ADCY8: variants seen among roughly 807,000 people sequenced by gnomAD.
ADCY8 encodes adenylate cyclase 8.
Under a neutral mutation model 119.7 loss-of-function variants are expected in ADCY8, and 51 were observed. The observed-to-expected ratio is 0.43, with a 90% CI of 0.34 to 0.54. The LOEUF (loss-of-function observed/expected upper bound fraction) is 0.54. ADCY8 is among the 20% of genes least tolerant of loss of function. The probability of loss-of-function intolerance (pLI) is 0.03; values close to 1 mark genes in which losing one functional copy is unlikely to be tolerated. For missense variants in ADCY8, 1,383 were observed against 1,598.8 expected (o/e 0.87, Z 2.30); for synonymous variants, 665 against 651.0 (o/e 1.02, Z -0.33).
intron 2 of ADCY8, among the ~76,000 whole-genome samples, chr8:130,958,209 A>G (rs548063569): frequency 7.3e-4 from 111 of 152,342 alleles, no homozygotes; most frequent in Non-Finnish European, 1.3e-3. Flanking sequence ...ATGTGAATAA[A>G]TCTATTTGTT....
intron 14 of ADCY8, among the ~76,000 whole-genome samples, chr8:130,813,671 A>G (rs1209534554): frequency 2.0e-5 from 3 of 152,150 alleles, no homozygotes; most frequent in Non-Finnish European, 4.4e-5. Flanking sequence ...CTTTTTGACT[A>G]TTGTAAATAA....
chr8:131,037,174 A>G (rs1339704587), intron 1 of ADCY8, among the ~76,000 whole-genome samples: 2 of 152,120 alleles, frequency 1.3e-5, no homozygotes, highest in Admixed American at 1.3e-4. Flanking sequence ...GTTTTGGTAA[A>G]AGGTGACTCA....
In ADCY8 at chr8:130,846,790, TTC is replaced by T. The variant is rs1180038322; in HGVS notation, c.2502+632_2502+633del. Among the ~76,000 whole-genome samples the T allele has an allele frequency of 1.9e-3, 210 of 112,178 alleles. 13 individuals are homozygous for T. Among genetic ancestry groups the T allele is most frequent in the African/African-American group, 4.3e-3 (124 of 28,728 alleles). 73.6% of individuals were successfully genotyped at this position (112,178 alleles called of 152,430 possible). A position where few individuals can be genotyped will look rare whatever the true frequency, so the allele number is the denominator to read the frequency against. ...CCCTTCCTTCCTTCTCCTTCCTTCCTTCTCCTTCCTTCCTTCCCTCCCCTCCC... is the reference window on the plus strand; with the variant it reads ...CCCTTCCTTCCTTCTCCTTCCTTCCTTCCTTCCTTCCTTCCCTCCCCTCCC... On this transcript the variant is annotated intron_variant, in intron 11 of 17. Coordinates refer to ENST00000286355, the MANE Select transcript of ADCY8 (RefSeq NM_001115.3).
At chr8:130,874,047 C>T (rs1000514978) in intron 8 of ADCY8, among the ~76,000 whole-genome samples, 2 of 152,020 alleles carry the variant, frequency 1.3e-5, no homozygotes, top group Non-Finnish European at 1.5e-5. Context: ...GTGGCTCATG[C>T]CTGTAATCCC....
At chr8:130,862,997 G>A (rs1038189971) in intron 9 of ADCY8, among the ~76,000 whole-genome samples, 1 of 152,140 alleles carries the variant, frequency 6.6e-6, no homozygotes, top group Non-Finnish European at 1.5e-5. Context: ...TATTGATTAG[G>A]TAAATTCAGG....
intron 2 of ADCY8, among the ~76,000 whole-genome samples, chr8:130,964,327 T>C (rs992067936): frequency 2.0e-5 from 3 of 152,260 alleles, no homozygotes; most frequent in Non-Finnish European, 4.4e-5. Context: ...AACAGATTTA[T>C]AAATACCTAC....
chr8:130,816,024 A>G (rs1027956078), intron 13 of ADCY8, among the ~76,000 whole-genome samples: 3 of 152,202 alleles, frequency 2.0e-5, no homozygotes, highest in African/African-American at 7.2e-5. Context: ...GTTGACATGA[A>G]CAGTATGCTG....
At chr8:130,823,025 T>G (rs1373321982) in intron 12 of ADCY8, among the ~76,000 whole-genome samples, 1 of 152,216 alleles carries the variant, frequency 6.6e-6, no homozygotes, top group Non-Finnish European at 1.5e-5. Context: ...GAGCATGTCC[T>G]GCGTTCAGCT....
chr8:130,857,290 C>A (rs982139174), intron 9 of ADCY8, among the ~76,000 whole-genome samples: 3 of 151,858 alleles, frequency 2.0e-5, no homozygotes, highest in Non-Finnish European at 4.4e-5. Context: ...GAGCCCTGTC[C>A]CAATGATAAT....
chr8:130,923,459 C>G (rs1410066908), intron 5 of ADCY8, among the ~76,000 whole-genome samples: 1 of 152,250 alleles, frequency 6.6e-6, no homozygotes, highest in Admixed American at 6.5e-5. Flanking sequence ...CTCTGATTAA[C>G]TGTTGGGGAC....
At chr8:130,928,608 C>A (rs1436858761) in intron 5 of ADCY8, among the ~76,000 whole-genome samples, 4 of 152,186 alleles carry the variant, frequency 2.6e-5, no homozygotes, top group Admixed American at 2.6e-4. Context: ...TCCATGCATC[C>A]TGGGATGAAT....
intron 10 of ADCY8, among the ~76,000 whole-genome samples, chr8:130,848,951 A>T (rs777829213): frequency 2.2e-4 from 34 of 152,336 alleles, no homozygotes; most frequent in Admixed American, 5.2e-4. Flanking sequence ...AGTATAGGTG[A>T]GATACTCAGC....
chr8:130,934,494 C>G (rs964241059), intron 5 of ADCY8, among the ~76,000 whole-genome samples: 6 of 152,158 alleles, frequency 3.9e-5, no homozygotes, highest in Non-Finnish European at 8.8e-5. Flanking sequence ...CCATTAGGCC[C>G]CTCCTCCAAC....
At chr8:130,908,984 GCTCTCTCT>G (rs10532518) in intron 6 of ADCY8, among the ~76,000 whole-genome samples, 107 of 131,588 alleles carry the variant, frequency 8.1e-4, no homozygotes, top group African/African-American at 2.0e-3. Flanking sequence ...ATGTGGAAGT[GCTCTCTCT>G]CTCTCTCTCT....
chr8:130,909,781 T>A lies in ADCY8; in HGVS notation c.1567A>T (p.Arg523Trp). 6.2e-7 allele frequency: 1 copy of A among 1,613,974 alleles called. No individual in the cohort carries two copies. The highest frequency in any genetic ancestry group is 8.5e-7 in the Non-Finnish European group (1 of 1,179,964). Residue 523 changes from arginine (R) to tryptophan (W), a missense_variant, in exon 6 of 18, where the codon AGG becomes TGG. This residue lies in a region of ADCY8 where 928 missense variants were observed against 1,163.5 expected (regional missense o/e 0.80). Coordinates refer to ENST00000286355, the MANE Select transcript of ADCY8 (RefSeq NM_001115.3). The stretch of plus-strand genomic sequence containing the variant: ...GACCAGACATCAAACTGCCACTTCC[T>A]TAGTCCCAAAACACCGCACAGCACC... ...GSVLCGVLGL[R>W]KWQFDVWSWD... is the part of the protein sequence containing the mutation.
intron 11 of ADCY8, among the ~76,000 whole-genome samples, chr8:130,846,581 C>A (rs1236003382): frequency 8.1e-6 from 1 of 124,148 alleles, no homozygotes; most frequent in Non-Finnish European, 1.6e-5. Context: ...CCCCTTCTTC[C>A]CCTCCCTCCC....
chr8:130,855,114 TC>T (rs1817682284), intron 9 of ADCY8, among the ~76,000 whole-genome samples: 31 of 108,194 alleles, frequency 2.9e-4, no homozygotes, highest in East Asian at 4.4e-4. Flanking sequence ...TCTCTCTCTC[TC>T]TCTTTTTTTT....
intron 14 of ADCY8, among the ~76,000 whole-genome samples, chr8:130,813,380 A>G (rs75237570): frequency 0.033 from 4,994 of 152,262 alleles, 271 homozygotes; most frequent in African/African-American, 0.11. Flanking sequence ...ATGAAACAAT[A>G]ACTCCAATTC....
At chr8:130,834,829 C>T (rs187744053) in intron 12 of ADCY8, among the ~76,000 whole-genome samples, 8 of 151,824 alleles carry the variant, frequency 5.3e-5, no homozygotes, top group East Asian at 3.9e-4. Flanking sequence ...TTTATATGTG[C>T]GTGTGTATAT....
Sources: gnomAD v4.1 joint callset for allele counts (sites outside exome capture counted in the v4.1 genomes callset) on GRCh38, gnomAD v4.1.1 for gene constraint, gnomAD v4.1.1 regional missense constraint, MANE v1.5 for transcripts, NCBI Gene and HGNC (gene_info 2026-07-23, HGNC 2026-07-21) for gene names.